ANAPC5: variants seen among roughly 807,000 people sequenced by gnomAD.
ANAPC5 encodes the protein anaphase-promoting complex subunit 5.
In ANAPC5, 60 loss-of-function variants were observed where a neutral mutation model predicts 91.3. The observed-to-expected ratio is 0.66, with a 90% CI of 0.53 to 0.81. The LOEUF is 0.81. ANAPC5 is among the 40% of genes least tolerant of loss of function. ANAPC5 has a pLI of 0.00. For missense variants in ANAPC5, 690 were observed against 931.5 expected (o/e 0.74, Z 3.37); for synonymous variants, 340 against 364.1 (o/e 0.93, Z 0.75).
chr12:121,339,251 A>C (rs1903355780), intron 5 of ANAPC5, among the ~76,000 whole-genome samples: 1 of 151,842 alleles, frequency 6.6e-6, no homozygotes. Context: ...GTGCTTCTCC[A>C]TGTTGGCCAG....
chr12:121,309,808 G>A lies in ANAPC5; in HGVS notation c.1949C>T (p.Pro650Leu). The A allele has an allele frequency of 6.2e-7, 1 of 1,614,066 alleles. No individual in the cohort carries two copies. Among genetic ancestry groups the A allele is most frequent in the Non-Finnish European group, 8.5e-7 (1 of 1,179,996 alleles). The change falls in exon 16 of 17, where the codon CCC (proline) becomes CTC (leucine). Residue 650 changes from proline to leucine, a missense_variant. By Grantham distance (98) the Pro-to-Leu change is moderately conservative (BLOSUM62 -3). This residue lies in a region of ANAPC5 where 317 missense variants were observed against 438.7 expected (regional missense o/e 0.72). Transcript: ENST00000261819. Reference protein sequence around the residue: ...ALSLLHMAIEPILADGAILDK... With the variant: ...ALSLLHMAIELILADGAILDK... ...CAGGATAGCCCCGTCAGCCAAGATG[G>A]GCTCGATGGCCATGTGGAGAAGACT... is the stretch of plus-strand genomic sequence containing the variant.
Position 121,327,130 on chromosome 12 carries a change from G to A in ANAPC5, c.1406C>T (p.Ala469Val), listed in dbSNP as rs2136781034. The change falls in exon 11 of 17, where the codon GCA becomes GTA. Residue 469 changes from alanine (A) to valine (V), a missense_variant. Transcript: ENST00000261819. The part of the protein sequence containing the change: ...QQNNTESFAV[A>V]LCHLAELHAE... ...GTGTAGCTCTGCGAGGTGGCAGAGT[G>A]CGACAGCAAAGGACTCTGTGTTGTT... 2 of 1,611,194 alleles carry A rather than the reference G, an allele frequency of 1.2e-6. No homozygotes were observed. Among genetic ancestry groups the A allele is most frequent in the East Asian group, 2.2e-5 (1 of 44,734 alleles).
At chr12:121,346,375 G>A in intron 3 of ANAPC5, 1 of 202,466 alleles carries the variant, frequency 4.9e-6, no homozygotes, top group Non-Finnish European at 9.8e-6. Context: ...GAAATTCCAT[G>A]TCTATCTTAC....
chr12:121,311,029 C>CT (rs572132645), intron 15 of ANAPC5, among the ~76,000 whole-genome samples: 34 of 144,854 alleles, frequency 2.3e-4, no homozygotes, highest in African/African-American at 4.8e-4. Context: ...TGAGAACAAA[C>CT]TTTTTTTTTT....
At chr12:121,323,386 G>A (rs1477083988) in intron 11 of ANAPC5, among the ~76,000 whole-genome samples, 1 of 151,782 alleles carries the variant, frequency 6.6e-6, no homozygotes, top group African/African-American at 2.4e-5. Context: ...GTGTAGTGGT[G>A]CAATCTCAGC....
At chr12:121,315,087 A>G (rs181044194) in intron 15 of ANAPC5, among the ~76,000 whole-genome samples, 95 of 152,278 alleles carry the variant, frequency 6.2e-4, no homozygotes, top group African/African-American at 2.2e-3. Context: ...TAAAAAAAAA[A>G]TCCCCAAAAC....
At chr12:121,320,675 T>A in intron 11 of ANAPC5, 1 of 351,680 alleles carries the variant, frequency 2.8e-6, no homozygotes, top group Non-Finnish European at 5.2e-6. Context: ...CGATCTCGGC[T>A]CATTGCAAGC....
intron 15 of ANAPC5, among the ~76,000 whole-genome samples, chr12:121,314,127 C>T (rs564693599): frequency 1.2e-4 from 19 of 152,294 alleles, no homozygotes; most frequent in South Asian, 6.2e-4. Flanking sequence ...CGGGGCTGGG[C>T]GCAGTGGCTC....
chr12:121,314,130 A>AGT (rs1237089249), intron 15 of ANAPC5, among the ~76,000 whole-genome samples: 4 of 152,214 alleles, frequency 2.6e-5, no homozygotes, highest in African/African-American at 9.6e-5. Flanking sequence ...GGCTGGGCGC[A>AGT]GTGGCTCACG....
chr12:121,336,702 G>A (rs1187697191), intron 6 of ANAPC5, among the ~76,000 whole-genome samples: 2 of 151,986 alleles, frequency 1.3e-5, no homozygotes, highest in African/African-American at 2.4e-5. Context: ...AACAAACACT[G>A]TTTTTTGCAT....
At chr12:121,315,259 A>C (rs1446418595) in intron 15 of ANAPC5, among the ~76,000 whole-genome samples, 1 of 152,240 alleles carries the variant, frequency 6.6e-6, no homozygotes, top group Non-Finnish European at 1.5e-5. Context: ...TTATATACAG[A>C]AAGCTACAAA....
intron 15 of ANAPC5, among the ~76,000 whole-genome samples, chr12:121,316,936 G>A (rs910273533): frequency 6.6e-6 from 1 of 151,996 alleles, no homozygotes; most frequent in South Asian, 2.1e-4. Context: ...GATACCTATT[G>A]CTACATGGAT....
chr12:121,310,377 C>T (rs1902114142), intron 15 of ANAPC5: 1 of 151,758 alleles, frequency 6.6e-6, no homozygotes, highest in African/African-American at 2.4e-5. Flanking sequence ...CTGGGCAACA[C>T]AGCAAGACCC....
rs1566201954 is a variant in ANAPC5, at chr12:121,352,357, GTCTC to G, written c.-21_-18del. ...GCTGGCCATGGCGGCCCGAGACTAA[GTCTC>G]GGGCCCGCGGCGCGCTGCCGCCAGT... On this transcript the variant is annotated 5_prime_UTR_variant, in exon 1 of 17. Transcript: ENST00000261819. The G allele has an allele frequency of 1.3e-5, 20 of 1,578,350 alleles. No homozygotes were observed. The highest frequency in any genetic ancestry group is 1.8e-5 in the Admixed American group (1 of 54,164).
intron 8 of ANAPC5, 90 bp downstream of exon 8, chr12:121,331,257 T>C: frequency 8.8e-7 from 1 of 1,130,480 alleles, no homozygotes; most frequent in Non-Finnish European, 1.3e-6. Flanking sequence ...AGATCTCTGC[T>C]CCAACTGCAA....
Position 121,308,451 on chromosome 12 carries a change from T to C in ANAPC5, c.*29A>G. 1 of 1,604,050 alleles carries C rather than the reference T, an allele frequency of 6.2e-7. No individual in the cohort carries two copies. The highest frequency in any genetic ancestry group is 8.5e-7 in the Non-Finnish European group (1 of 1,172,362). ...TGAACAAGTCCAAAATCTTATACTC[T>C]GCACAGCAGCCCAGCAGGGATGTCC... On this transcript the variant is annotated 3_prime_UTR_variant, in exon 17 of 17. Coordinates refer to ENST00000261819, the MANE Select transcript of ANAPC5 (RefSeq NM_016237.5).
chr12:121,318,641 T>C lies in ANAPC5; in HGVS notation c.1638-33A>G, dbSNP rs1487684393. 1.9e-6 allele frequency: 3 copies of C among 1,539,814 alleles called. No individual in the cohort carries two copies. In the African/African-American group the frequency reaches 4.1e-5, roughly 21 times the overall value. On this transcript the variant is annotated intron_variant, in intron 13 of 16. Coordinates refer to ENST00000261819, the MANE Select transcript of ANAPC5 (RefSeq NM_016237.5). ...AGAATCAAAATGAACACAAGTGTTT[T>C]AACTAGTCACTTTGAGGGTAAGAAT...
At chr12:121,352,413 G>A (rs1423725128), upstream of ANAPC5, 4 of 1,231,088 alleles carry the variant, frequency 3.2e-6, no homozygotes, top group East Asian at 4.7e-5. Flanking sequence ...AACACTACCG[G>A]GTCTACATCT....
rs35368013 is a variant in ANAPC5, at chr12:121,335,685, A to G, written c.798T>C (p.Asp266=). The change falls in exon 7 of 17, where the codon GAT becomes GAC. Residue 266 remains aspartate (D), a synonymous_variant. Transcript: ENST00000261819. ...GGAGACTGTGTGTTGAACTGAAAAC[A>G]TCTTGGACACGGAGGTTGTTTAAGT... The part of the protein sequence containing the change: ...LSYLNNLRVQ[D]VFSSTHSLLH... 5.6e-4 allele frequency: 906 copies of G among 1,611,358 alleles called. 6 individuals carry two copies. The African/African-American group carries it at 0.011, about 20-fold the overall frequency.
Sources: gnomAD v4.1 joint callset for allele counts (sites outside exome capture counted in the v4.1 genomes callset) on GRCh38, gnomAD v4.1.1 for gene constraint, gnomAD v4.1.1 regional missense constraint, MANE v1.5 for transcripts, NCBI Gene and HGNC (gene_info 2026-07-23, HGNC 2026-07-21) for gene names.